FBN2: variants seen among roughly 807,000 people sequenced by gnomAD.
The protein encoded by FBN2 is fibrillin 2.
In FBN2, 105 loss-of-function variants were observed where a neutral mutation model predicts 355.6. The ratio of observed to expected loss-of-function variants is 0.30; its 90% CI spans 0.25 to 0.35. The LOEUF (loss-of-function observed/expected upper bound fraction) is 0.35. FBN2 is among the 10% of genes least tolerant of loss of function. The pLI is 1.00. For missense variants in FBN2, 3,280 were observed against 3,758.7 expected (o/e 0.87, Z 3.33); for synonymous variants, 1,350 against 1,301.2 (o/e 1.04, Z -0.81).
At chr5:128,264,691 T>C (rs900518674) in intron 62 of FBN2, among the ~76,000 whole-genome samples, 6 of 152,182 alleles carry the variant, frequency 3.9e-5, no homozygotes, top group African/African-American at 1.4e-4. Flanking sequence ...TTCTTGTGAC[T>C]CCATGTGGAG....
At chr5:128,489,411 T>C (rs1755439850) in intron 5 of FBN2, among the ~76,000 whole-genome samples, 1 of 150,192 alleles carries the variant, frequency 6.7e-6, no homozygotes, top group Admixed American at 6.6e-5. Context: ...CTGTTTCTTC[T>C]TATTTGAATT....
intron 5 of FBN2, among the ~76,000 whole-genome samples, chr5:128,501,592 G>A (rs1278580438): frequency 6.6e-6 from 1 of 151,932 alleles, no homozygotes. Context: ...GAAAACAAAA[G>A]AAAATTATGC....
At chr5:128,498,779 A>G (rs1005327552) in intron 5 of FBN2, among the ~76,000 whole-genome samples, 7 of 152,200 alleles carry the variant, frequency 4.6e-5, no homozygotes, top group Non-Finnish European at 8.8e-5. Flanking sequence ...ACATTCCTTT[A>G]TATATTTCAC....
At chr5:128,328,628 C>A in intron 34 of FBN2, 68 bp downstream of exon 34, 1 of 1,560,180 alleles carries the variant, frequency 6.4e-7, no homozygotes. Context: ...CTTGTTCCAG[C>A]CCTTGTTGTG....
intron 55 of FBN2, among the ~76,000 whole-genome samples, chr5:128,281,083 TTGC>T (rs1765531747): frequency 6.6e-6 from 1 of 152,196 alleles, no homozygotes; most frequent in African/African-American, 2.4e-5. Context: ...TGCATGCACT[TTGC>T]TTTTATTAGT....
At chr5:128,479,964 CTCTCTCTCTCTCTA>C (rs1477469594) in intron 5 of FBN2, among the ~76,000 whole-genome samples, 8 of 34,884 alleles carry the variant, frequency 2.3e-4, no homozygotes, top group Non-Finnish European at 4.2e-4. Context: ...CTCTCTCTCT[CTCTCTCTCTCTCTA>C]TATATATATA....
At chr5:128,521,914 C>A (rs1756443579) in intron 4 of FBN2, among the ~76,000 whole-genome samples, 1 of 152,122 alleles carries the variant, frequency 6.6e-6, no homozygotes, top group Non-Finnish European at 1.5e-5. Flanking sequence ...ACTATCAATG[C>A]CTCCCTTCTC....
At chr5:128,376,254 A>G (rs1416499512) in intron 14 of FBN2, among the ~76,000 whole-genome samples, 2 of 152,214 alleles carry the variant, frequency 1.3e-5, no homozygotes, top group Non-Finnish European at 2.9e-5. Flanking sequence ...TATTAAAATT[A>G]TGTCTTCACT....
At position 128,310,253 on chromosome 5, in the gene FBN2, C is replaced by T. The variant is rs1581206493; in HGVS notation, c.5075-145G>A. The stretch of plus-strand genomic sequence containing the variant: ...AAATAAAGAAAATATCCCAAATATG[C>T]ATTTATATAACACAGATACATCTTT... On this transcript the variant is annotated intron_variant, in intron 39 of 64. Coordinates refer to ENST00000262464, the MANE Select transcript of FBN2 (RefSeq NM_001999.4). The T allele has an allele frequency of 5.9e-6, 4 of 676,178 alleles. No individual in the cohort carries two copies. In the East Asian group the frequency reaches 1.2e-4, roughly 20 times the overall value. 41.9% of individuals were successfully genotyped at this position (676,178 alleles called of 1,614,324 possible). A position where few individuals can be genotyped will look rare whatever the true frequency, so the allele number is the denominator to read the frequency against.
At chr5:128,319,310 C>T (rs890579317) in intron 34 of FBN2, among the ~76,000 whole-genome samples, 19 of 151,546 alleles carry the variant, frequency 1.3e-4, no homozygotes, top group African/African-American at 4.6e-4. Flanking sequence ...TAAATATAAA[C>T]ATGTCAAAGA....
At chr5:128,380,604 T>C (rs906390472) in intron 11 of FBN2, among the ~76,000 whole-genome samples, 3 of 152,238 alleles carry the variant, frequency 2.0e-5, no homozygotes, top group African/African-American at 7.2e-5. Context: ...AGAGAAGATG[T>C]AATCGTTCAC....
At chr5:128,328,442 A>C (rs1750610820) in intron 34 of FBN2, 2 of 608,332 alleles carry the variant, frequency 3.3e-6, no homozygotes, top group Non-Finnish European at 5.8e-6. Flanking sequence ...GAAGAGAAGA[A>C]ATGGTTAAAA....
In FBN2 at chr5:128,360,764, T is replaced by C. The variant is rs1013146459; in HGVS notation, c.2554+959A>G. 1.3e-5 allele frequency among the ~76,000 whole-genome samples: 2 copies of C among 151,934 alleles called. 1 individual carries two copies. Among genetic ancestry groups the C allele is most frequent in the African/African-American group, 4.8e-5 (2 of 41,376 alleles). ...TAAGATGAAGAGAGAATGTTACATC[T>C]TTTTGCATACTATTACTACTGCAGT... is the stretch of plus-strand genomic sequence containing the variant. On this transcript the variant is annotated intron_variant, in intron 19 of 64. Coordinates refer to ENST00000262464, the MANE Select transcript of FBN2 (RefSeq NM_001999.4).
intron 10 of FBN2, 22 bp downstream of exon 10, chr5:128,393,113 C>T (rs1752561536): frequency 6.4e-7 from 1 of 1,566,430 alleles, no homozygotes; most frequent in Admixed American, 1.7e-5. Flanking sequence ...CTAAAGAGTC[C>T]ACAGGAAAAC....
At chr5:128,479,268 T>C (rs528317973) in intron 5 of FBN2, among the ~76,000 whole-genome samples, 5 of 152,304 alleles carry the variant, frequency 3.3e-5, no homozygotes, top group East Asian at 1.9e-4. Context: ...AAAGGTCACA[T>C]AGAACCTAAA....
intron 63 of FBN2, 97 bp from the exon 64 acceptor site, chr5:128,262,004 G>C (rs1764988293): frequency 1.1e-6 from 1 of 913,432 alleles, no homozygotes; most frequent in East Asian, 2.4e-5. Flanking sequence ...GAAACCAACA[G>C]AGCAAACACT....
chr5:128,315,643 T>C (rs905612381), intron 36 of FBN2, among the ~76,000 whole-genome samples: 4 of 152,234 alleles, frequency 2.6e-5, no homozygotes, highest in Non-Finnish European at 4.4e-5. Context: ...ACATATTTCC[T>C]TCCAGTAACC....
intron 8 of FBN2, among the ~76,000 whole-genome samples, chr5:128,403,789 C>T (rs772368498): frequency 6.6e-6 from 1 of 151,488 alleles, no homozygotes; most frequent in Non-Finnish European, 1.5e-5. Context: ...ATTAAACACA[C>T]TAGATAGATA....
chr5:128,265,594 G>A (rs1427377357), intron 62 of FBN2, among the ~76,000 whole-genome samples: 1 of 152,114 alleles, frequency 6.6e-6, no homozygotes, highest in Admixed American at 6.6e-5. Flanking sequence ...CTTCATATAT[G>A]AAGACATAAT....
Sources: allele counts gnomAD v4.1 joint callset (sites outside exome capture counted in the v4.1 genomes callset), GRCh38; gene constraint gnomAD v4.1.1; transcripts MANE v1.5; gene names NCBI Gene and HGNC (gene_info 2026-07-23, HGNC 2026-07-21).